The following ZNF674 variants were observed in gnomAD, a reference collection of about 807,000 sequenced individuals.
ZNF674 encodes zinc finger protein 674.
A neutral mutation model predicts 7.0 loss-of-function variants in ZNF674; 2 were observed. That is an observed-to-expected ratio of 0.29 (90% CI 0.12 to 0.90). The LOEUF (loss-of-function observed/expected upper bound fraction) is 0.90. ZNF674 is among the 40% of genes least tolerant of loss of function. ZNF674 has a pLI of 0.57. For synonymous variants in ZNF674, 103 were observed against 145.2 expected (o/e 0.71, Z 2.09); for missense variants, 297 against 415.5 (o/e 0.71, Z 2.48).
chrX:46,534,034 G>A (rs1421498284), intron 3 of ZNF674, among the ~76,000 whole-genome samples: 18 of 106,988 alleles, frequency 1.7e-4, no homozygotes, highest in African/African-American at 5.1e-4. Flanking sequence ...CACTCATGGC[G>A]GAAGGTGAAG....
At chrX:46,535,144 A>AT (rs892505872) in intron 3 of ZNF674, among the ~76,000 whole-genome samples, 1 of 109,254 alleles carries the variant, frequency 9.2e-6, no homozygotes, top group African/African-American at 3.3e-5. Flanking sequence ...AGCAGAATGA[A>AT]TTTTTTTTCT....
intron 5 of ZNF674, among the ~76,000 whole-genome samples, chrX:46,503,096 C>T (rs1198203485): frequency 1.8e-5 from 2 of 111,905 alleles, no homozygotes; most frequent in African/African-American, 6.5e-5. Flanking sequence ...TCAGTGTAGC[C>T]ACAAGGCTTT....
intron 5 of ZNF674, among the ~76,000 whole-genome samples, chrX:46,503,877 A>G (rs1941478650): frequency 9.0e-6 from 1 of 111,190 alleles, no homozygotes; most frequent in Admixed American, 9.6e-5. Context: ...TCTCCACAAA[A>G]AAATACAAAA....
chrX:46,501,099 T>C lies in ZNF674; in HGVS notation c.475A>G (p.Arg159Gly), dbSNP rs200601841. The C allele has an allele frequency of 9.6e-5, 116 of 1,204,908 alleles. No individual in the cohort carries two copies. The highest frequency in any genetic ancestry group is 5.0e-4 in the South Asian group (28 of 56,054). The part of the protein sequence containing the change: ...KHHLNFLGQN[R>G]SYVRKKDDGC... ...TCATCTTTCTTTCTTACATAGCTTCTATTTTGACCAAGAAAGTTTAAATGA... is the reference window on the plus strand; with the variant it reads ...TCATCTTTCTTTCTTACATAGCTTCCATTTTGACCAAGAAAGTTTAAATGA... The change falls in exon 6 of 6, where the codon AGA becomes GGA. Residue 159 changes from arginine to glycine, a missense_variant. Physicochemically the swap from Arg to Gly is moderately radical, Grantham distance 125 (BLOSUM62 -2). Transcript: ENST00000683375.
At chrX:46,519,222 A>AT (rs1941835960) in intron 5 of ZNF674, among the ~76,000 whole-genome samples, 1 of 69,866 alleles carries the variant, frequency 1.4e-5, no homozygotes, top group African/African-American at 5.9e-5. Flanking sequence ...AGATAGATAG[A>AT]TAGATAGATA....
At chrX:46,531,478 T>C (rs1942106712) in intron 3 of ZNF674, among the ~76,000 whole-genome samples, 1 of 111,430 alleles carries the variant, frequency 9.0e-6, no homozygotes, top group African/African-American at 3.3e-5. Flanking sequence ...TGACGCTAAC[T>C]CCAGGTAGAT....
At position 46,499,909 on chromosome X, in the gene ZNF674, T is replaced by C. The variant is rs1941380427; in HGVS notation, c.1665A>G (p.Lys555=). 6.0e-6 allele frequency: 7 copies of C among 1,170,065 alleles called. No homozygotes were observed. Among genetic ancestry groups the C allele is most frequent in the South Asian group, 2.0e-5 (1 of 49,368 alleles). ...EKPYECRDCG[K]AFSGKSTLIK... is the part of the protein sequence containing the mutation. ...TGAGAGTTGACTTCCCACTGAATGCTTTCCCACAGTCTCTGCATTCATAAG... is the reference window on the plus strand; with the variant it reads ...TGAGAGTTGACTTCCCACTGAATGCCTTCCCACAGTCTCTGCATTCATAAG... Residue 555 remains lysine (K), a synonymous_variant, in exon 6 of 6, where the codon AAA becomes AAG. Transcript: ENST00000683375.
chrX:46,523,206 G>A, intron 5 of ZNF674: 2 of 167,551 alleles, frequency 1.2e-5, no homozygotes, highest in Non-Finnish European at 2.3e-5. Flanking sequence ...CAATACAATG[G>A]ATAAATCTTA....
chrX:46,528,803 T>C lies in ZNF674; in HGVS notation c.122A>G (p.Tyr41Cys), dbSNP rs200782003. The change falls in exon 4 of 6, where the codon TAC (tyrosine) becomes TGC (cysteine). Residue 41 changes from tyrosine to cysteine, a missense_variant. Transcript: ENST00000683375. The stretch of plus-strand genomic sequence containing the variant: ...CTCACCCACGGACACCAGGTGGCTG[T>C]AGTTCTCAAGCATGACATCCCTGTA... ...NLYRDVMLEN[Y>C]SHLVSVGHLV... The C allele has an allele frequency of 3.1e-5, 38 of 1,209,778 alleles. No homozygotes were observed. Among genetic ancestry groups the C allele is most frequent in the Non-Finnish European group, 1.1e-6 (1 of 895,133 alleles).
intron 5 of ZNF674, among the ~76,000 whole-genome samples, chrX:46,501,996 G>C (rs1177257634): frequency 2.7e-5 from 3 of 109,629 alleles, no homozygotes; most frequent in Non-Finnish European, 5.7e-5. Flanking sequence ...AACTCTCATT[G>C]AGGAGTTCAC....
intron 2 of ZNF674, among the ~76,000 whole-genome samples, chrX:46,542,475 G>A (rs1323828315): frequency 3.6e-5 from 4 of 111,915 alleles, no homozygotes; most frequent in African/African-American, 6.5e-5. Flanking sequence ...TGCGGGGGGC[G>A]CTGAAGGAGG....
intron 1 of ZNF674, among the ~76,000 whole-genome samples, chrX:46,544,945 A>C (rs1942352383): frequency 8.9e-6 from 1 of 111,733 alleles, no homozygotes; most frequent in South Asian, 3.8e-4. Flanking sequence ...GTCTGGAGGA[A>C]GAGACACACT....
At chrX:46,504,261 T>C (rs1941486068) in intron 5 of ZNF674, among the ~76,000 whole-genome samples, 1 of 111,589 alleles carries the variant, frequency 9.0e-6, no homozygotes, top group Non-Finnish European at 1.9e-5. Flanking sequence ...GCAGTTAAAA[T>C]AAATGATCTA....
chrX:46,510,954 T>C (rs187131586), intron 5 of ZNF674, among the ~76,000 whole-genome samples: 2 of 112,425 alleles, frequency 1.8e-5, no homozygotes, highest in East Asian at 5.5e-4. Flanking sequence ...GTTTTTTTCA[T>C]ATATAAAACA....
intron 3 of ZNF674, among the ~76,000 whole-genome samples, chrX:46,538,088 CAAA>C (rs11335113): frequency 2.0e-4 from 19 of 95,819 alleles, no homozygotes; most frequent in Admixed American, 2.0e-3. Context: ...GACTCCATCT[CAAA>C]AAAAAAAAAA....
chrX:46,525,422 G>T (rs930563220), intron 5 of ZNF674: 3 of 134,181 alleles, frequency 2.2e-5, no homozygotes, highest in Non-Finnish European at 4.2e-5. Context: ...GATGAACATG[G>T]AGAAACCCCA....
At chrX:46,535,428 G>A (rs1442840794) in intron 3 of ZNF674, among the ~76,000 whole-genome samples, 1 of 111,681 alleles carries the variant, frequency 9.0e-6, no homozygotes, top group East Asian at 2.8e-4. Flanking sequence ...TTACAGGCAT[G>A]AGCCACAGCA....
At chrX:46,520,733 C>A (rs1941892512) in intron 5 of ZNF674, among the ~76,000 whole-genome samples, 3 of 111,701 alleles carry the variant, frequency 2.7e-5, no homozygotes, top group African/African-American at 9.7e-5. Flanking sequence ...AAATGGTAGA[C>A]CTACATCCAA....
chrX:46,519,273 TGATAGATAGATAGATAGATAGATAGATA>T (rs57724981), intron 5 of ZNF674, among the ~76,000 whole-genome samples: 1 of 75,080 alleles, frequency 1.3e-5, no homozygotes, highest in Non-Finnish European at 2.5e-5. Context: ...TAAAGATAGA[TGATAGATAGATAGATAGATAGATAGATA>T]GATAGATAGA....
Sources: allele counts gnomAD v4.1 joint callset (sites outside exome capture counted in the v4.1 genomes callset), GRCh38; gene constraint gnomAD v4.1.1; transcripts MANE v1.5; gene names NCBI Gene and HGNC (gene_info 2026-07-23, HGNC 2026-07-21).